Variants in MROH1 observed in about 807,000 individuals in gnomAD.
MROH1 encodes maestro heat-like repeat-containing protein family member 1.
MROH1 carries 117 observed loss-of-function variants against 116.5 expected under a neutral mutation model. The observed-to-expected ratio is 1.00, with a 90% confidence interval of 0.86 to 1.17. The LOEUF (loss-of-function observed/expected upper bound fraction) is 1.17. MROH1 is among the 50% of genes most tolerant of loss of function. MROH1 has a pLI of 0.00. For missense variants in MROH1, 1,873 were observed against 1,338.5 expected (o/e 1.40, Z -6.23); for synonymous variants, 921 against 583.9 (o/e 1.58, Z -8.32).
intron 14 of MROH1, among the ~76,000 whole-genome samples, chr8:144,223,531 C>T (rs1837240729): frequency 6.6e-6 from 1 of 152,194 alleles, no homozygotes; most frequent in South Asian, 2.1e-4. Context: ...GCCTGGCTCC[C>T]TCTGGTTTCT....
Position 144,238,357 on chromosome 8 carries a change from G to A in MROH1, c.1339-399G>A, listed in dbSNP as rs969476189. Among the ~76,000 whole-genome samples the A allele has an allele frequency of 7.0e-4, 106 of 152,282 alleles. No homozygotes were observed. In the Middle Eastern group the frequency reaches 0.014, roughly 20 times the overall value. ...AGGGACGCCTTCTGGGGAGCTGAGCGTACAGAGAGGACAGCAGACATCCAG... is the reference window on the plus strand; with the variant it reads ...AGGGACGCCTTCTGGGGAGCTGAGCATACAGAGAGGACAGCAGACATCCAG... On this transcript the variant is annotated intron_variant, in intron 14 of 43. Transcript: ENST00000326134.
In MROH1 at chr8:144,258,797, G is replaced by T; in HGVS notation, c.3812G>T (p.Arg1271Leu). Residue 1271 changes from arginine to leucine, a missense_variant, in exon 36 of 44, where the codon CGG (arginine) becomes CTG (leucine). Transcript: ENST00000326134. The stretch of plus-strand genomic sequence containing the variant: ...TGCAGCTCTGCAGTGGACACCCTGC[G>T]GTCCATGCTACTCCGCAGCGGCAGC... ...EPCSSAVDTL[R>L]SMLLRSGSED... 2.6e-6 allele frequency: 2 copies of T among 768,210 alleles called. No individual in the cohort carries two copies. The highest frequency in any genetic ancestry group is 2.5e-5 in the East Asian group (1 of 40,764). 47.6% of individuals were successfully genotyped at this position (768,210 alleles called of 1,614,324 possible). A position where few individuals can be genotyped will look rare whatever the true frequency, so the allele number is the denominator to read the frequency against.
At chr8:144,242,039 G>T (rs930587038) in intron 22 of MROH1, among the ~76,000 whole-genome samples, 124 of 152,364 alleles carry the variant, frequency 8.1e-4, no homozygotes, top group Middle Eastern at 6.8e-3. Flanking sequence ...GTGGGGCCTT[G>T]AGCTCTTCTC....
chr8:144,250,115 G>A, intron 32 of MROH1, 97 bp from the exon 33 acceptor site: 3 of 702,440 alleles, frequency 4.3e-6, no homozygotes, highest in East Asian at 5.3e-5. Flanking sequence ...TGCATCTCAT[G>A]GGGCTCCCTC....
intron 1 of MROH1, among the ~76,000 whole-genome samples, chr8:144,149,690 G>A (rs897933602): frequency 1.3e-5 from 2 of 152,174 alleles, no homozygotes; most frequent in African/African-American, 4.8e-5. Context: ...AGGAGCACCA[G>A]GAAAGGCTCC....
chr8:144,210,498 C>A (rs941925017), intron 12 of MROH1, among the ~76,000 whole-genome samples: 4 of 152,052 alleles, frequency 2.6e-5, no homozygotes, highest in Admixed American at 1.3e-4. Flanking sequence ...TCGAAACCAG[C>A]CTGGGCAACA....
rs1824015390 is a variant in MROH1, at chr8:144,176,599, TG to T, written c.169-2853del. On this transcript the variant is annotated intron_variant, in intron 4 of 43. Coordinates refer to ENST00000326134, the MANE Select transcript of MROH1 (RefSeq NM_032450.3). The stretch of plus-strand genomic sequence containing the variant: ...GCTCATGCCTATAATCTCAGCACTT[TG>T]GGAGGCTGAGGCAAGCGGATCACAA... Among the ~76,000 whole-genome samples, 5 of 150,770 alleles carry T rather than the reference TG, an allele frequency of 3.3e-5. No homozygotes were observed. In the South Asian group the frequency reaches 1.0e-3, roughly 32 times the overall value.
chr8:144,220,777 C>G, intron 13 of MROH1, 104 bp downstream of exon 13: 1 of 966,324 alleles, frequency 1.0e-6, no homozygotes, highest in East Asian at 2.6e-5. Flanking sequence ...GCGGCCACCA[C>G]CCTTGGCTGG....
At position 144,244,426 on chromosome 8, in the gene MROH1, G is replaced by A. The variant is rs1841537628; in HGVS notation, c.2671-18G>A. On this transcript the variant is annotated intron_variant, in intron 27 of 43. Transcript: ENST00000326134. Reference sequence around the variant, plus strand: ...GCGGGGTCACTGGTGGGGCTGGACGGCCTGGCTCTCCTTCCAGTCCCTGTA... The same window carrying A: ...GCGGGGTCACTGGTGGGGCTGGACGACCTGGCTCTCCTTCCAGTCCCTGTA... 1.3e-6 allele frequency: 1 copy of A among 743,572 alleles called. No homozygotes were observed. The highest frequency in any genetic ancestry group is 1.7e-5 in the African/African-American group (1 of 58,308). 46.1% of individuals were successfully genotyped at this position (743,572 alleles called of 1,614,324 possible).
chr8:144,162,400 CT>C (rs1188989216), intron 2 of MROH1, among the ~76,000 whole-genome samples: 3 of 128,248 alleles, frequency 2.3e-5, no homozygotes, highest in Admixed American at 7.8e-5. Flanking sequence ...TTTTTCTTTT[CT>C]TTTTTTTTGA....
In MROH1 at chr8:144,150,995, C is replaced by T. The variant is rs934296966; in HGVS notation, c.-177+2919C>T. ...AGGCGTGATGGCTCACGCCTGTAATCCCAGCACTTTGGGAGGCCCAGGCAG... is the reference window on the plus strand; with the variant it reads ...AGGCGTGATGGCTCACGCCTGTAATTCCAGCACTTTGGGAGGCCCAGGCAG... On this transcript the variant is annotated intron_variant, in intron 1 of 43. Coordinates refer to ENST00000326134, the MANE Select transcript of MROH1 (RefSeq NM_032450.3). Among the ~76,000 whole-genome samples the T allele has an allele frequency of 2.0e-3, 303 of 152,268 alleles. 1 individual carries two copies. Among genetic ancestry groups the T allele is most frequent in the Non-Finnish European group, 3.2e-3 (220 of 68,014 alleles).
intron 1 of MROH1, among the ~76,000 whole-genome samples, chr8:144,155,898 G>A (rs1817926470): frequency 6.6e-6 from 1 of 151,944 alleles, no homozygotes; most frequent in Admixed American, 6.5e-5. Flanking sequence ...CTCCCGGAGT[G>A]CTGGGATTAC....
At chr8:144,179,751 G>A (rs1000649686) in intron 5 of MROH1, among the ~76,000 whole-genome samples, 165 bp downstream of exon 5, 4 of 152,174 alleles carry the variant, frequency 2.6e-5, no homozygotes, top group Non-Finnish European at 5.9e-5. Context: ...GGGGTGGGGG[G>A]TGGTCCCCTG....
chr8:144,158,366 C>T (rs1368807026), intron 1 of MROH1, among the ~76,000 whole-genome samples: 2 of 152,090 alleles, frequency 1.3e-5, no homozygotes, highest in East Asian at 3.9e-4. Flanking sequence ...CTCAAGTGAT[C>T]CACCCACCTT....
rs373929363 is a variant in MROH1 at position 144,179,556 on chromosome 8, C to T, written c.270C>T (p.Leu90=). Reference sequence around the variant, plus strand: ...AGGACACAGCCAGCACCATCATCCTCCTGGCCTCCAGCGAGATGACCAAGA... The same window carrying T: ...AGGACACAGCCAGCACCATCATCCTTCTGGCCTCCAGCGAGATGACCAAGA... ...LDKDTASTII[L]LASSEMTKTK... The change falls in exon 5 of 44, where the codon CTC becomes CTT. Residue 90 remains leucine, a synonymous_variant. Transcript: ENST00000326134. 98 of 1,612,658 alleles carry T rather than the reference C, an allele frequency of 6.1e-5. No individual in the cohort carries two copies. The African/African-American group carries it at 7.9e-4, about 13-fold the overall frequency.
intron 29 of MROH1, among the ~76,000 whole-genome samples, chr8:144,246,673 C>T (rs1489176224): frequency 2.0e-5 from 3 of 152,170 alleles, no homozygotes; most frequent in Admixed American, 6.5e-5. Flanking sequence ...ACCAGGTTTC[C>T]ATCTGAGCCC....
At chr8:144,194,347 G>A (rs1025901768) in intron 10 of MROH1, among the ~76,000 whole-genome samples, 15 of 152,228 alleles carry the variant, frequency 9.9e-5, no homozygotes, top group Admixed American at 9.8e-4. Context: ...ACAGGCGTGA[G>A]CCACTGTGCC....
chr8:144,224,505 A>G (rs1193413320), intron 14 of MROH1, among the ~76,000 whole-genome samples: 2 of 135,576 alleles, frequency 1.5e-5, no homozygotes, highest in African/African-American at 2.8e-5. Context: ...AGGTCAAGCA[A>G]CCCTCCCACC....
chr8:144,255,907 G>A (rs1843660379), intron 35 of MROH1, among the ~76,000 whole-genome samples: 1 of 151,950 alleles, frequency 6.6e-6, no homozygotes. Context: ...CACACTGGCT[G>A]TGAAGGCCTC....
Sources: allele counts gnomAD v4.1 joint callset (sites outside exome capture counted in the v4.1 genomes callset), GRCh38; gene constraint gnomAD v4.1.1; transcripts MANE v1.5; gene names NCBI Gene and HGNC (gene_info 2026-07-23, HGNC 2026-07-21).